Variants in PRKCE observed in about 807,000 individuals in gnomAD.
PRKCE encodes the protein protein kinase C epsilon, also known as protein kinase C epsilon type.
In PRKCE, 16 loss-of-function variants were observed where a neutral mutation model predicts 85.4. The ratio of observed to expected loss-of-function variants is 0.19; its 90% CI spans 0.13 to 0.28. The LOEUF (loss-of-function observed/expected upper bound fraction) is 0.28. Ranked by LOEUF, PRKCE falls within the 10% of genes least tolerant of loss-of-function variation. The pLI is 1.00. For missense variants in PRKCE, 573 were observed against 975.2 expected, an observed-to-expected ratio of 0.59 and a Z score of 5.49; for synonymous variants, 388 against 371.5, an observed-to-expected ratio of 1.04 and a Z score of -0.51.
chr2:46,046,338 C>T (rs1471147300), intron 10 of PRKCE, among the ~76,000 whole-genome samples: 1 of 152,212 alleles, frequency 6.6e-6, no homozygotes, highest in African/African-American at 2.4e-5. Flanking sequence ...ACCTCTAGGG[C>T]TAGAGATCAT....
intron 10 of PRKCE, among the ~76,000 whole-genome samples, chr2:46,083,498 T>G (rs1669297139): frequency 6.6e-6 from 1 of 152,162 alleles, no homozygotes; most frequent in East Asian, 1.9e-4. Flanking sequence ...AATACTCCAT[T>G]GTTGCTAAAG....
intron 1 of PRKCE, among the ~76,000 whole-genome samples, chr2:45,794,711 C>G (rs1336215516): frequency 6.6e-6 from 1 of 152,178 alleles, no homozygotes; most frequent in Non-Finnish European, 1.5e-5. Context: ...CTTTCTTCCT[C>G]TCCCACTCCC....
chr2:45,667,773 T>A (rs1675983237), intron 1 of PRKCE, among the ~76,000 whole-genome samples: 1 of 152,088 alleles, frequency 6.6e-6, no homozygotes, highest in African/African-American at 2.4e-5. Context: ...GTTTTCCTTG[T>A]TATTATATAT....
chr2:45,884,026 G>A (rs886152530), intron 2 of PRKCE, among the ~76,000 whole-genome samples: 17 of 152,200 alleles, frequency 1.1e-4, no homozygotes, highest in Non-Finnish European at 2.9e-5. Flanking sequence ...CAACTGCCTT[G>A]AGAGTGAGTG....
intron 2 of PRKCE, among the ~76,000 whole-genome samples, chr2:45,939,580 G>T (rs777673352): frequency 1.3e-5 from 2 of 151,562 alleles, no homozygotes; most frequent in Non-Finnish European, 2.9e-5. Context: ...TTTTGAGAAG[G>T]CGTCTCACTC....
rs192778334 is a variant in PRKCE at position 45,670,046 on chromosome 2, G to A, written c.348+17598G>A. On this transcript the variant is annotated intron_variant, in intron 1 of 14. Transcript: ENST00000306156. ...AAAATAAAATTTATATAATCAAGAC[G>A]ATCAAGTCTGTTATTAGTTATCAGT... Among the ~76,000 whole-genome samples, 536 of 152,188 alleles carry A rather than the reference G, an allele frequency of 3.5e-3. 2 individuals carry two copies. The highest frequency in any genetic ancestry group is 0.012 in the African/African-American group (518 of 41,524).
chr2:45,782,124 T>C (rs1049121675), intron 1 of PRKCE, among the ~76,000 whole-genome samples: 1 of 152,240 alleles, frequency 6.6e-6, no homozygotes, highest in African/African-American at 2.4e-5. Flanking sequence ...AAAGTGTTTC[T>C]CCTTAAGTCT....
intron 1 of PRKCE, among the ~76,000 whole-genome samples, chr2:45,776,169 G>T (rs1205843982): frequency 6.6e-6 from 1 of 152,170 alleles, no homozygotes; most frequent in East Asian, 1.9e-4. Flanking sequence ...TTAGAATTCT[G>T]CCTTTCAGTA....
chr2:46,011,163 G>C (rs574803423), intron 10 of PRKCE, among the ~76,000 whole-genome samples: 1 of 152,262 alleles, frequency 6.6e-6, no homozygotes, highest in East Asian at 1.9e-4. Flanking sequence ...CTCTAATTTT[G>C]TTATCCTTTT....
At chr2:45,911,155 T>C (rs1697353572) in intron 2 of PRKCE, among the ~76,000 whole-genome samples, 1 of 152,242 alleles carries the variant, frequency 6.6e-6, no homozygotes, top group African/African-American at 2.4e-5. Flanking sequence ...CCACTGGCAT[T>C]TTCAGCCTAA....
At chr2:45,867,577 G>T (rs975743658) in intron 2 of PRKCE, among the ~76,000 whole-genome samples, 1 of 152,172 alleles carries the variant, frequency 6.6e-6, no homozygotes, top group South Asian at 2.1e-4. Flanking sequence ...AAGTGATCAC[G>T]ATGAGAGATT....
rs560979631 is a variant in PRKCE, at chr2:45,751,346, T to G, written c.349-91654T>G. On this transcript the variant is annotated intron_variant, in intron 1 of 14. Transcript: ENST00000306156. Reference sequence around the variant, plus strand: ...GGTACCATCTGGTAATTGTTCAATATGTTATCACATCATTATATAATTATA... The same window carrying G: ...GGTACCATCTGGTAATTGTTCAATAGGTTATCACATCATTATATAATTATA... Among the ~76,000 whole-genome samples the G allele has an allele frequency of 6.6e-5, 10 of 152,372 alleles. No individual in the cohort carries two copies. In the South Asian group the frequency reaches 1.9e-3, roughly 28 times the overall value.
chr2:45,911,857 T>C (rs1426959599), intron 2 of PRKCE, among the ~76,000 whole-genome samples: 3 of 152,148 alleles, frequency 2.0e-5, no homozygotes, highest in African/African-American at 7.2e-5. Flanking sequence ...CCTGGTAGGA[T>C]TGTTATGAGA....
At chr2:46,107,923 GTTTTGT>G (rs566492757) in intron 11 of PRKCE, among the ~76,000 whole-genome samples, 131 of 152,154 alleles carry the variant, frequency 8.6e-4, no homozygotes, top group African/African-American at 2.8e-3. Flanking sequence ...ATTGTTGAGG[GTTTTGT>G]TTTTGTTTTT....
At chr2:45,841,722 G>C (rs1487480560) in intron 1 of PRKCE, among the ~76,000 whole-genome samples, 1 of 152,216 alleles carries the variant, frequency 6.6e-6, no homozygotes, top group Non-Finnish European at 1.5e-5. Flanking sequence ...AGATGTGTCT[G>C]GTGTATTGTG....
rs1686580311 is a variant in PRKCE at position 45,786,071 on chromosome 2, T to C, written c.349-56929T>C. 6.6e-6 allele frequency among the ~76,000 whole-genome samples: 1 copy of C among 152,146 alleles called. No individual in the cohort carries two copies. The highest frequency in any genetic ancestry group is 2.1e-4 in the South Asian group (1 of 4,822). ...CTGGGTCATCGTGGGGGTGAATAGA[T>C]ACCTGCTTCTCTCCAGGGACCTATG... On this transcript the variant is annotated intron_variant, in intron 1 of 14. Coordinates refer to ENST00000306156, the MANE Select transcript of PRKCE (RefSeq NM_005400.3). This position sits in a 1 kb window ranked among gnomAD's most constrained non-coding sequence, Gnocchi z 5.3.
chr2:46,049,399 T>C (rs1258579364), intron 10 of PRKCE, among the ~76,000 whole-genome samples: 1 of 152,190 alleles, frequency 6.6e-6, no homozygotes, highest in Non-Finnish European at 1.5e-5. Context: ...TTTAAGCTTC[T>C]ATTGACTTAA....
At chr2:45,821,045 C>T (rs142511750) in intron 1 of PRKCE, among the ~76,000 whole-genome samples, 1 of 152,096 alleles carries the variant, frequency 6.6e-6, no homozygotes, top group Non-Finnish European at 1.5e-5. Flanking sequence ...TCAGGGGAGC[C>T]AAGCCTGGGG....
chr2:46,144,471 A>T (rs1675869977), intron 11 of PRKCE, among the ~76,000 whole-genome samples: 1 of 152,022 alleles, frequency 6.6e-6, no homozygotes. Context: ...CTTTTGCATC[A>T]GCTATATTGG....
Sources: allele counts gnomAD v4.1 joint callset (sites outside exome capture counted in the v4.1 genomes callset), GRCh38; gene constraint gnomAD v4.1.1; non-coding constraint Gnocchi (gnomAD v3.1); transcripts MANE v1.5; gene names NCBI Gene and HGNC (gene_info 2026-07-23, HGNC 2026-07-21).